The following DIAPH3 variants were observed in gnomAD, a reference collection of about 807,000 sequenced individuals.
DIAPH3 encodes the protein diaphanous related formin 3.
Under a neutral mutation model 144.3 loss-of-function variants are expected in DIAPH3, and 117 were observed. The ratio of observed to expected loss-of-function variants is 0.81; its 90% confidence interval spans 0.70 to 0.95. The LOEUF is 0.95. DIAPH3 is among the 40% of genes least tolerant of loss of function. DIAPH3 has a pLI of 0.00. For synonymous variants in DIAPH3, 519 were observed against 488.9 expected, an observed-to-expected ratio of 1.06 and a Z score of -0.81; for missense variants, 1,421 against 1,412.7, an observed-to-expected ratio of 1.01 and a Z score of -0.09.
intron 22 of DIAPH3, among the ~76,000 whole-genome samples, chr13:59,842,073 T>C (rs1020083260): frequency 1.3e-5 from 2 of 152,088 alleles, no homozygotes; most frequent in East Asian, 3.9e-4. Flanking sequence ...AATTTTCACA[T>C]AATAAGGGGT....
intron 27 of DIAPH3, among the ~76,000 whole-genome samples, chr13:59,741,716 G>GAAAAAAAAAAAAAA (rs1324165854): frequency 1.4e-5 from 2 of 146,310 alleles, no homozygotes; most frequent in African/African-American, 2.5e-5. Flanking sequence ...AAAAAAAAAA[G>GAAAAAAAAAAAAAA]AAAGAAAGAA....
intron 4 of DIAPH3, among the ~76,000 whole-genome samples, chr13:60,056,848 C>T (rs1278644936): frequency 6.6e-6 from 1 of 151,788 alleles, no homozygotes; most frequent in East Asian, 1.9e-4. Flanking sequence ...GGGTTGACAA[C>T]AATGTGCTGG....
chr13:60,109,351 T>C (rs916893681), intron 3 of DIAPH3, among the ~76,000 whole-genome samples: 1 of 152,006 alleles, frequency 6.6e-6, no homozygotes, highest in Non-Finnish European at 1.5e-5. Context: ...ACGGCAGCAA[T>C]AGGAAACTAA....
chr13:60,152,025 T>C (rs1951811894), intron 1 of DIAPH3, among the ~76,000 whole-genome samples: 1 of 152,212 alleles, frequency 6.6e-6, no homozygotes, highest in African/African-American at 2.4e-5. Flanking sequence ...TTTGCAAATC[T>C]TTTACTTAAA....
At chr13:60,005,077 G>A (rs1259265546) in intron 9 of DIAPH3, among the ~76,000 whole-genome samples, 2 of 152,142 alleles carry the variant, frequency 1.3e-5, no homozygotes, top group Non-Finnish European at 1.5e-5. Flanking sequence ...GTTCACAGCA[G>A]CATTTTTCAT....
At chr13:59,827,541 T>C (rs559191950) in intron 24 of DIAPH3, among the ~76,000 whole-genome samples, 1 of 152,114 alleles carries the variant, frequency 6.6e-6, no homozygotes, top group South Asian at 2.1e-4. Flanking sequence ...CAGATGAAAT[T>C]TGCTTAAGGA....
intron 1 of DIAPH3, among the ~76,000 whole-genome samples, chr13:60,143,225 C>T (rs1951355542): frequency 6.6e-6 from 1 of 152,114 alleles, no homozygotes; most frequent in African/African-American, 2.4e-5. Flanking sequence ...TCTAAGCTTG[C>T]CCACATCAAG....
chr13:60,019,210 G>A (rs765213792), intron 5 of DIAPH3, among the ~76,000 whole-genome samples: 2 of 152,100 alleles, frequency 1.3e-5, no homozygotes, highest in Non-Finnish European at 2.9e-5. Flanking sequence ...AGTGTAAGAA[G>A]CAACCTAGAA....
chr13:59,784,522 T>G (rs1056899480), intron 25 of DIAPH3, among the ~76,000 whole-genome samples: 3 of 152,090 alleles, frequency 2.0e-5, no homozygotes, highest in Non-Finnish European at 4.4e-5. Context: ...ATTATAGGCA[T>G]GTGCCACAAT....
intron 24 of DIAPH3, among the ~76,000 whole-genome samples, chr13:59,823,118 A>C (rs2041166752): frequency 6.6e-6 from 1 of 152,220 alleles, no homozygotes; most frequent in African/African-American, 2.4e-5. Flanking sequence ...AAAGAAATAA[A>C]AATTAGCAGT....
At chr13:60,036,117 T>A (rs113591196) in intron 5 of DIAPH3, among the ~76,000 whole-genome samples, 4 of 152,322 alleles carry the variant, frequency 2.6e-5, no homozygotes, top group Non-Finnish European at 4.4e-5. Flanking sequence ...CTTAGATCAC[T>A]CTTCTATTCC....
intron 17 of DIAPH3, among the ~76,000 whole-genome samples, chr13:59,945,417 C>A (rs1449460776): frequency 6.6e-6 from 1 of 152,152 alleles, no homozygotes; most frequent in African/African-American, 2.4e-5. Context: ...AGGACAGTAC[C>A]TTTCATGGGA....
intron 24 of DIAPH3, among the ~76,000 whole-genome samples, chr13:59,816,100 T>C (rs905926896): frequency 1.3e-5 from 2 of 152,126 alleles, no homozygotes; most frequent in African/African-American, 4.8e-5. Context: ...CTCAATATAG[T>C]GAATTATATT....
chr13:60,015,972 C>G lies in DIAPH3; in HGVS notation c.712G>C (p.Val238Leu). The change falls in exon 7 of 28, where the codon GTT (valine) becomes CTT (leucine). Residue 238 changes from valine to leucine, a missense_variant. Physicochemically the swap from Val to Leu is conservative, Grantham distance 32. Coordinates refer to ENST00000400324, the MANE Select transcript of DIAPH3 (RefSeq NM_001042517.2). ...ACTTTATGTTGATTTTTCTTTACAA[C>G]TTTTTCTTGGCTGTATTGACATAAA... ...KLISGKIQEKVVKKNQHKVIQ... is the reference protein window; with the variant it reads ...KLISGKIQEKLVKKNQHKVIQ... The G allele has an allele frequency of 6.2e-7, 1 of 1,613,240 alleles. No homozygotes were observed. Among genetic ancestry groups the G allele is most frequent in the Non-Finnish European group, 8.5e-7 (1 of 1,179,630 alleles).
intron 24 of DIAPH3, among the ~76,000 whole-genome samples, chr13:59,815,980 A>G (rs1475337887): frequency 6.6e-6 from 1 of 151,952 alleles, no homozygotes; most frequent in Admixed American, 6.6e-5. Flanking sequence ...CTCCTTTCCT[A>G]CTTTGGAGTA....
intron 4 of DIAPH3, among the ~76,000 whole-genome samples, chr13:60,083,389 T>G (rs748867075): frequency 6.6e-6 from 1 of 151,832 alleles, no homozygotes; most frequent in Non-Finnish European, 1.5e-5. Flanking sequence ...AGTATCCCAA[T>G]AAATGAAAAT....
In DIAPH3 at chr13:59,969,959, A is replaced by G; in HGVS notation, c.2059T>C (p.Cys687Arg). ...TTAAACTTACCTTTTTGTTGGCAAC[A>G]AAATGTATTCTCAAGTTTACAAAGC... Reference protein sequence around the residue: ...DLLCKLENTFCCQQKERREEE... With the variant: ...DLLCKLENTFRCQQKERREEE... Residue 687 changes from cysteine to arginine, a missense_variant, in exon 17 of 28, where the codon TGT becomes CGT. Cys to Arg is a radical substitution (Grantham distance 180). Transcript: ENST00000400324. The G allele has an allele frequency of 6.2e-7, 1 of 1,603,434 alleles. No individual in the cohort carries two copies. The highest frequency in any genetic ancestry group is 1.7e-5 in the Admixed American group (1 of 59,498).
chr13:59,701,085 T>C (rs1417826698), intron 27 of DIAPH3, among the ~76,000 whole-genome samples: 1 of 152,206 alleles, frequency 6.6e-6, no homozygotes. Flanking sequence ...GTATATTTTA[T>C]AATGTTCTCT....
intron 1 of DIAPH3, among the ~76,000 whole-genome samples, chr13:60,139,828 C>T (rs1462567213): frequency 2.6e-5 from 4 of 152,140 alleles, no homozygotes; most frequent in African/African-American, 9.7e-5. Context: ...TTTAGTAACA[C>T]AGCTTTTGTA....
Sources: gnomAD v4.1 joint callset for allele counts (sites outside exome capture counted in the v4.1 genomes callset) on GRCh38, gnomAD v4.1.1 for gene constraint, MANE v1.5 for transcripts, NCBI Gene and HGNC (gene_info 2026-07-23, HGNC 2026-07-21) for gene names.